NUP188: variants seen among roughly 807,000 people sequenced by gnomAD.
NUP188 encodes nucleoporin 188, also known as nucleoporin NUP188.
NUP188 carries 97 observed loss-of-function variants against 223.0 expected under a neutral mutation model. The observed-to-expected ratio is 0.43, with a 90% confidence interval of 0.37 to 0.51. The LOEUF is 0.51. Among genes scored for constraint, NUP188 ranks in the 20% least tolerant of loss-of-function variants. The probability of loss-of-function intolerance (pLI) is 0.00; values close to 1 mark genes in which losing one functional copy is unlikely to be tolerated. For missense variants in NUP188, 1,947 were observed against 2,175.6 expected, an observed-to-expected ratio of 0.89 and a Z score of 2.09; for synonymous variants, 869 against 828.0, an observed-to-expected ratio of 1.05 and a Z score of -0.85.
Position 128,952,814 on chromosome 9 carries a change from G to A in NUP188, c.129G>A (p.Leu43=), listed in dbSNP as rs1316217831. The part of the protein sequence containing the change: ...EAELNKHWRR[L]LEGLSYYKPP... ...AACTGAATAAACATTGGCGGCGATT[G>A]TTAGAGGGGCTTTCTTACTACAAAC... The change falls in exon 3 of 44, where the codon TTG becomes TTA. Residue 43 remains leucine (L), a synonymous_variant. Transcript: ENST00000372577. The A allele has an allele frequency of 1.9e-6, 3 of 1,613,664 alleles. No individual in the cohort carries two copies. In the East Asian group the frequency reaches 6.7e-5, roughly 36 times the overall value.
At chr9:129,004,224 A>C (rs796665384) in intron 38 of NUP188, among the ~76,000 whole-genome samples, 1 of 146,840 alleles carries the variant, frequency 6.8e-6, no homozygotes, top group African/African-American at 2.5e-5. Context: ...TGGAGGTTGC[A>C]GTGAGCCGAG....
intron 12 of NUP188, among the ~76,000 whole-genome samples, chr9:128,974,975 G>C (rs1842155303): frequency 6.6e-6 from 1 of 151,794 alleles, no homozygotes. Flanking sequence ...TGGCCAGGCT[G>C]GTCCCGAACT....
intron 11 of NUP188, 49 bp downstream of exon 11, chr9:128,971,007 C>A: frequency 3.6e-6 from 5 of 1,402,000 alleles, no homozygotes; most frequent in Non-Finnish European, 5.1e-6. Flanking sequence ...CCGGCAGAAG[C>A]ATTATAATAA....
At chr9:128,960,003 A>C in intron 8 of NUP188, among the ~76,000 whole-genome samples, 1 of 151,418 alleles carries the variant, frequency 6.6e-6, no homozygotes, top group Non-Finnish European at 1.5e-5. Flanking sequence ...TCTGAACCTA[A>C]TATATCATCT....
intron 24 of NUP188, among the ~76,000 whole-genome samples, chr9:128,988,719 A>ATTTTTTTTTTTTTTTTTTTTT (rs528821221): frequency 1.4e-5 from 1 of 72,868 alleles, no homozygotes; most frequent in Non-Finnish European, 2.6e-5. Flanking sequence ...TAATTTTTTA[A>ATTTTTTTTTTTTTTTTTTTTT]TTTTTTTTTT....
chr9:128,994,145 A>G (rs966992327), intron 27 of NUP188, among the ~76,000 whole-genome samples: 1 of 152,162 alleles, frequency 6.6e-6, no homozygotes, highest in African/African-American at 2.4e-5. Flanking sequence ...AGGAATCTTG[A>G]AGAGTTTTTA....
At position 128,982,742 on chromosome 9, in the gene NUP188, A is replaced by C. The variant is rs755113537; in HGVS notation, c.1669+41A>C. On this transcript the variant is annotated intron_variant, in intron 16 of 43. Coordinates refer to ENST00000372577, the MANE Select transcript of NUP188 (RefSeq NM_015354.3). ...GGAAACATCACCTACGAGGAGGAAA[A>C]GTGGATATGCTTGGAGGATTTAGAA... The C allele has an allele frequency of 8.3e-5, 133 of 1,608,640 alleles. No individual in the cohort carries two copies. The Admixed American group carries it at 2.2e-3, about 26-fold the overall frequency.
At position 128,982,885 on chromosome 9, in the gene NUP188, GCTGT is replaced by G. The variant is rs777397865; in HGVS notation, c.1670-14_1670-11del. ...GGGGTTGTTTGCCGTGAGGTCACAG[GCTGT>G]CTTTCTTCTCAGATGTGATTCAGCA... is the stretch of plus-strand genomic sequence containing the variant. On this transcript the variant is annotated splice_polypyrimidine_tract_variant and intron_variant, in intron 16 of 43. Coordinates refer to ENST00000372577, the MANE Select transcript of NUP188 (RefSeq NM_015354.3). 1.9e-6 allele frequency: 3 copies of G among 1,614,014 alleles called. No individual in the cohort carries two copies. The highest frequency in any genetic ancestry group is 2.5e-6 in the Non-Finnish European group (3 of 1,179,962).
chr9:128,955,672 G>A (rs902538455), intron 3 of NUP188, among the ~76,000 whole-genome samples: 2 of 151,020 alleles, frequency 1.3e-5, no homozygotes, highest in African/African-American at 4.9e-5. Context: ...ATCTCCTACC[G>A]AAAGGACTTT....
chr9:129,004,826 T>C (rs1276081131), intron 38 of NUP188: 2 of 392,626 alleles, frequency 5.1e-6, no homozygotes, highest in East Asian at 9.6e-5. Flanking sequence ...TTTAGGACCT[T>C]ACAATATACC....
At chr9:128,968,353 A>G (rs1842060304) in intron 8 of NUP188, among the ~76,000 whole-genome samples, 153 bp from the exon 9 acceptor site, 1 of 152,134 alleles carries the variant, frequency 6.6e-6, no homozygotes, top group South Asian at 2.1e-4. Flanking sequence ...AGGTAGGAGG[A>G]TCAGTTGCGT....
chr9:128,971,053 C>T (rs1367563899), intron 11 of NUP188, 95 bp downstream of exon 11: 6 of 911,966 alleles, frequency 6.6e-6, no homozygotes, highest in South Asian at 2.8e-5. Flanking sequence ...ATAATGGGAT[C>T]ATGTTGTAAC....
At chr9:129,002,417 G>C (rs1316014729) in intron 36 of NUP188, among the ~76,000 whole-genome samples, 1 of 152,152 alleles carries the variant, frequency 6.6e-6, no homozygotes, top group African/African-American at 2.4e-5. Flanking sequence ...TGTGTCCCTT[G>C]GTTATTTCTA....
intron 25 of NUP188, among the ~76,000 whole-genome samples, chr9:128,991,105 T>C (rs1415638995): frequency 1.3e-5 from 2 of 151,730 alleles, no homozygotes; most frequent in Non-Finnish European, 2.9e-5. Context: ...AGATGCCCTA[T>C]GATCTCCTTA....
intron 8 of NUP188, among the ~76,000 whole-genome samples, chr9:128,961,590 C>CTATCTAGATAGATAGA (rs1554828101): frequency 1.7e-3 from 235 of 138,134 alleles, no homozygotes; most frequent in African/African-American, 6.4e-3. Context: ...ATCTATCTAT[C>CTATCTAGATAGATAGA]TAGATAGATA....
At chr9:128,969,289 A>G (rs1842072782) in intron 9 of NUP188, 111 bp from the exon 10 acceptor site, 2 of 658,676 alleles carry the variant, frequency 3.0e-6, no homozygotes, top group Non-Finnish European at 5.4e-6. Context: ...GTTAGCCACT[A>G]TGCCTGGCCC....
At chr9:128,998,838 C>G (rs989917358) in intron 32 of NUP188, among the ~76,000 whole-genome samples, 1 of 150,558 alleles carries the variant, frequency 6.6e-6, no homozygotes, top group Non-Finnish European at 1.5e-5. Flanking sequence ...TATTTTGTCT[C>G]ACTCCCCACC....
intron 20 of NUP188, among the ~76,000 whole-genome samples, chr9:128,985,535 G>A (rs993427094): frequency 6.6e-6 from 1 of 152,258 alleles, no homozygotes. Flanking sequence ...CATAAATAAT[G>A]ACATAGAGCA....
intron 8 of NUP188, among the ~76,000 whole-genome samples, chr9:128,961,057 C>T (rs1841941719): frequency 6.7e-6 from 1 of 148,186 alleles, no homozygotes; most frequent in Non-Finnish European, 1.5e-5. Flanking sequence ...TGTACTCCAG[C>T]CTGGGGTGAC....
Sources: gnomAD v4.1 joint callset for allele counts (sites outside exome capture counted in the v4.1 genomes callset) on GRCh38, gnomAD v4.1.1 for gene constraint, MANE v1.5 for transcripts, NCBI Gene and HGNC (gene_info 2026-07-23, HGNC 2026-07-21) for gene names.